The following LSAMP variants were observed in gnomAD, a reference collection of about 807,000 sequenced individuals.
The protein encoded by LSAMP is limbic system associated membrane protein.
A neutral mutation model predicts 38.6 loss-of-function variants in LSAMP; 7 were observed. The ratio of observed to expected loss-of-function variants is 0.18; its 90% CI spans 0.10 to 0.34. LSAMP has a LOEUF of 0.34. LSAMP is among the 10% of genes least tolerant of loss of function. LSAMP has a pLI of 1.00. For synonymous variants in LSAMP, 154 were observed against 166.8 expected, an observed-to-expected ratio of 0.92 and a Z score of 0.59; for missense variants, 313 against 420.0, an observed-to-expected ratio of 0.75 and a Z score of 2.23.
intron 1 of LSAMP, among the ~76,000 whole-genome samples, chr3:116,222,297 C>CT (rs139131492): frequency 0.19 from 28,833 of 148,458 alleles, 2,816 homozygotes; most frequent in Admixed American, 0.24. Context: ...CAATTAGATA[C>CT]TTTTTTTTTA....
intron 1 of LSAMP, among the ~76,000 whole-genome samples, chr3:116,437,674 AGG>A (rs1419091648): frequency 6.6e-6 from 1 of 151,724 alleles, no homozygotes; most frequent in African/African-American, 2.4e-5. Context: ...AGAGAAGGGA[AGG>A]GGAGAGGAGA....
intron 2 of LSAMP, among the ~76,000 whole-genome samples, chr3:116,033,056 C>A (rs1412255421): frequency 1.3e-5 from 2 of 152,036 alleles, no homozygotes; most frequent in Non-Finnish European, 2.9e-5. Flanking sequence ...TAAGGATTTA[C>A]TTTCTGATTT....
intron 6 of LSAMP, among the ~76,000 whole-genome samples, chr3:115,833,394 A>C (rs2972486): frequency 0.98 from 145,249 of 148,674 alleles, 71,028 homozygotes; most frequent in East Asian, 1. Flanking sequence ...CAACAGAGTT[A>C]TTCTAAGCTT....
chr3:116,053,936 T>G (rs1941442199), intron 2 of LSAMP, among the ~76,000 whole-genome samples: 1 of 152,206 alleles, frequency 6.6e-6, no homozygotes, highest in South Asian at 2.1e-4. Context: ...AATACCATAT[T>G]ACTTTCCTAT....
chr3:116,211,238 T>C (rs184773385), intron 1 of LSAMP, among the ~76,000 whole-genome samples: 7 of 152,320 alleles, frequency 4.6e-5, no homozygotes, highest in African/African-American at 1.4e-4. Flanking sequence ...AAATTGCATT[T>C]AGACAGCAAG....
intron 4 of LSAMP, among the ~76,000 whole-genome samples, chr3:115,848,083 AG>A (rs1215984959): frequency 6.6e-6 from 1 of 152,230 alleles, no homozygotes; most frequent in African/African-American, 2.4e-5. Context: ...ACCTACCCAC[AG>A]GCAAGAATAA....
intron 2 of LSAMP, among the ~76,000 whole-genome samples, chr3:116,079,452 T>C (rs1474239628): frequency 6.6e-6 from 1 of 152,032 alleles, no homozygotes; most frequent in East Asian, 1.9e-4. Context: ...AGGTCAGTAG[T>C]TGGTCACTGG....
chr3:116,428,333 C>T (rs1002600570), intron 1 of LSAMP, among the ~76,000 whole-genome samples: 2 of 152,108 alleles, frequency 1.3e-5, no homozygotes, highest in African/African-American at 4.8e-5. Flanking sequence ...TGGTGTGGGC[C>T]TGTAGTCCCA....
chr3:116,174,445 T>C (rs1437401283), intron 1 of LSAMP, among the ~76,000 whole-genome samples: 1 of 151,952 alleles, frequency 6.6e-6, no homozygotes, highest in Non-Finnish European at 1.5e-5. Flanking sequence ...ATTATAAAAA[T>C]AGCAATCATA....
intron 6 of LSAMP, chr3:115,816,516 A>G: frequency 7.4e-6 from 5 of 678,616 alleles, no homozygotes; most frequent in Non-Finnish European, 1.1e-5. Flanking sequence ...TTGTTATCAC[A>G]AATTATTCCA....
chr3:116,091,064 A>T (rs1211474205), intron 1 of LSAMP, among the ~76,000 whole-genome samples: 1 of 152,192 alleles, frequency 6.6e-6, no homozygotes. Context: ...TCACCTCTGC[A>T]ATCTCGACCA....
intron 1 of LSAMP, among the ~76,000 whole-genome samples, chr3:116,306,124 G>A (rs2047482667): frequency 6.6e-6 from 1 of 151,884 alleles, no homozygotes; most frequent in African/African-American, 2.4e-5. Context: ...AAGAAAGAAT[G>A]GTATATAAAA....
intron 3 of LSAMP, among the ~76,000 whole-genome samples, chr3:115,950,864 A>C (rs1412022799): frequency 6.6e-6 from 1 of 151,864 alleles, no homozygotes; most frequent in South Asian, 2.1e-4. Context: ...AAACTATACT[A>C]CAAGGCTATA....
chr3:116,160,127 C>T (rs931987223), intron 1 of LSAMP, among the ~76,000 whole-genome samples: 16 of 152,180 alleles, frequency 1.1e-4, no homozygotes, highest in Admixed American at 2.6e-4. Context: ...CGGCTGGGCA[C>T]GGTGGCTCAC....
At chr3:116,374,144 G>C (rs1230594124) in intron 1 of LSAMP, among the ~76,000 whole-genome samples, 2 of 151,908 alleles carry the variant, frequency 1.3e-5, no homozygotes, top group Non-Finnish European at 2.9e-5. Context: ...TCAAGAGATT[G>C]AACTGTGGAA....
At chr3:116,429,981 T>C (rs2049259213) in intron 1 of LSAMP, among the ~76,000 whole-genome samples, 1 of 152,202 alleles carries the variant, frequency 6.6e-6, no homozygotes, top group South Asian at 2.1e-4. Flanking sequence ...AACTGTAGTG[T>C]AGACTTCAGG....
At chr3:116,309,745 TA>T (rs1229886014) in intron 1 of LSAMP, among the ~76,000 whole-genome samples, 12 of 152,142 alleles carry the variant, frequency 7.9e-5, no homozygotes, top group African/African-American at 2.4e-4. Context: ...GAGGTTGATT[TA>T]GGGGGCCTAG....
intron 1 of LSAMP, among the ~76,000 whole-genome samples, chr3:116,354,125 A>T (rs191192997): frequency 1.3e-5 from 2 of 152,292 alleles, no homozygotes; most frequent in East Asian, 3.9e-4. Flanking sequence ...GGGATATTTA[A>T]AAAGCTGTTA....
At chr3:116,422,521 C>A (rs1223620014) in intron 1 of LSAMP, among the ~76,000 whole-genome samples, 1 of 152,020 alleles carries the variant, frequency 6.6e-6, no homozygotes. Context: ...AACCAGTCCC[C>A]CAGAACACCA....
Sources: gnomAD v4.1 joint callset for allele counts (sites outside exome capture counted in the v4.1 genomes callset) on GRCh38, gnomAD v4.1.1 for gene constraint, MANE v1.5 for transcripts, NCBI Gene and HGNC (gene_info 2026-07-23, HGNC 2026-07-21) for gene names.